The following PTPRT variants were observed in gnomAD, a reference collection of about 807,000 sequenced individuals.
PTPRT encodes the protein receptor-type tyrosine-protein phosphatase T.
A neutral mutation model predicts 176.8 loss-of-function variants in PTPRT; 56 were observed. The ratio of observed to expected loss-of-function variants is 0.32; its 90% CI spans 0.26 to 0.40. The LOEUF is 0.40. Among genes scored for constraint, PTPRT ranks in the 10% least tolerant of loss-of-function variants. The pLI, the probability that PTPRT is intolerant of heterozygous loss-of-function variation, is 1.00. For synonymous variants in PTPRT, 783 were observed against 739.0 expected, an observed-to-expected ratio of 1.06 and a Z score of -0.96; for missense variants, 1,540 against 1,908.2, an observed-to-expected ratio of 0.81 and a Z score of 3.60.
At chr20:42,477,699 C>T (rs2071315051) in intron 7 of PTPRT, among the ~76,000 whole-genome samples, 1 of 152,112 alleles carries the variant, frequency 6.6e-6, no homozygotes, top group Admixed American at 6.5e-5. Context: ...CAGATAAAGC[C>T]CTGTCCGTAT....
At chr20:43,166,061 G>A (rs999490093) in intron 1 of PTPRT, among the ~76,000 whole-genome samples, 1 of 149,222 alleles carries the variant, frequency 6.7e-6, no homozygotes, top group African/African-American at 2.5e-5. Context: ...ATGGTGGCAC[G>A]CACCTGTAAT....
At chr20:42,409,077 T>C (rs1053782001) in intron 9 of PTPRT, among the ~76,000 whole-genome samples, 2 of 152,190 alleles carry the variant, frequency 1.3e-5, no homozygotes, top group Non-Finnish European at 2.9e-5. Flanking sequence ...AAGGAACACA[T>C]TCAGACCTTA....
intron 7 of PTPRT, among the ~76,000 whole-genome samples, chr20:42,584,213 G>T (rs982902420): frequency 2.0e-5 from 3 of 152,216 alleles, no homozygotes; most frequent in African/African-American, 7.2e-5. Flanking sequence ...TAAAATGGCT[G>T]TTGTTTTAAG....
At chr20:42,784,419 G>T (rs2077259169) in intron 3 of PTPRT, among the ~76,000 whole-genome samples, 2 of 152,166 alleles carry the variant, frequency 1.3e-5, no homozygotes, top group South Asian at 4.1e-4. Flanking sequence ...ATGTTTTCAT[G>T]GGGAGAGATT....
At chr20:42,108,886 C>A (rs1986757729) in intron 23 of PTPRT, among the ~76,000 whole-genome samples, 1 of 152,224 alleles carries the variant, frequency 6.6e-6, no homozygotes, top group Non-Finnish European at 1.5e-5. Context: ...GAGACACATA[C>A]CGGCGTAGAG....
At chr20:43,055,401 T>G (rs1357544337) in intron 1 of PTPRT, among the ~76,000 whole-genome samples, 2 of 152,190 alleles carry the variant, frequency 1.3e-5, no homozygotes, top group East Asian at 3.9e-4. Flanking sequence ...GGGCTTTATC[T>G]TCTCCTCCCC....
chr20:42,421,061 G>C (rs1282579689), intron 9 of PTPRT, among the ~76,000 whole-genome samples: 1 of 152,120 alleles, frequency 6.6e-6, no homozygotes, highest in East Asian at 1.9e-4. Flanking sequence ...TCTGTTCTTG[G>C]TTGATCCAGA....
At chr20:42,128,869 A>C in intron 18 of PTPRT, 39 bp from the exon 19 acceptor site, 1 of 1,546,304 alleles carries the variant, frequency 6.5e-7, no homozygotes, top group Admixed American at 1.8e-5. Context: ...GGTTGATAAG[A>C]GGCCTTACGC....
intron 2 of PTPRT, among the ~76,000 whole-genome samples, chr20:42,807,163 T>C (rs563722101): frequency 6.6e-6 from 1 of 152,342 alleles, no homozygotes; most frequent in African/African-American, 2.4e-5. Context: ...GTCTGTCCCA[T>C]TTAGATTGGT....
At chr20:42,664,428 C>T (rs975486960) in intron 7 of PTPRT, among the ~76,000 whole-genome samples, 2 of 152,078 alleles carry the variant, frequency 1.3e-5, no homozygotes, top group African/African-American at 4.8e-5. Context: ...GGTGTATTTG[C>T]TTGCTTTTAA....
At chr20:43,146,542 C>G (rs2014173222) in intron 1 of PTPRT, among the ~76,000 whole-genome samples, 1 of 142,332 alleles carries the variant, frequency 7.0e-6, no homozygotes, top group Non-Finnish European at 1.5e-5. Context: ...AAAATAAAGA[C>G]TCTTCACTTC....
chr20:42,765,466 C>T (rs1252880872), intron 5 of PTPRT, among the ~76,000 whole-genome samples: 7 of 152,176 alleles, frequency 4.6e-5, no homozygotes, highest in East Asian at 1.9e-4. Flanking sequence ...AAGGCTTCTT[C>T]GTATACTAGG....
At chr20:42,637,297 A>G (rs1305532534) in intron 7 of PTPRT, among the ~76,000 whole-genome samples, 1 of 152,148 alleles carries the variant, frequency 6.6e-6, no homozygotes, top group Non-Finnish European at 1.5e-5. Flanking sequence ...TAAAAATCCA[A>G]AGTCCTAACC....
rs150974988 is a variant in PTPRT at position 43,186,939 on chromosome 20, A to G, written c.88+2707T>C. The stretch of plus-strand genomic sequence containing the variant: ...AAACCCACTAGTAAATGAATTCATT[A>G]TCCCCTTATTCATTTAACTGTCTCT... On this transcript the variant is annotated intron_variant, in intron 1 of 30. Transcript: ENST00000373187. 5.9e-5 allele frequency among the ~76,000 whole-genome samples: 9 copies of G among 152,350 alleles called. No homozygotes were observed. The East Asian group carries it at 1.7e-3, about 29-fold the overall frequency.
intron 9 of PTPRT, among the ~76,000 whole-genome samples, chr20:42,402,302 G>A (rs1374375838): frequency 4.6e-5 from 7 of 151,964 alleles, no homozygotes; most frequent in Admixed American, 1.3e-4. Flanking sequence ...CAGGTGGAGT[G>A]GGTTTCTGTT....
intron 1 of PTPRT, among the ~76,000 whole-genome samples, chr20:42,892,273 T>C (rs1008159379): frequency 5.3e-5 from 8 of 152,136 alleles, no homozygotes; most frequent in Non-Finnish European, 8.8e-5. Flanking sequence ...GCCATTTTGA[T>C]TGTACCATTT....
chr20:42,172,110 A>T (rs538743490), intron 16 of PTPRT, among the ~76,000 whole-genome samples: 1 of 152,348 alleles, frequency 6.6e-6, no homozygotes, highest in South Asian at 2.1e-4. Context: ...AACCATTGCA[A>T]TAATGCACAC....
At chr20:43,142,625 A>G (rs917422892) in intron 1 of PTPRT, among the ~76,000 whole-genome samples, 5 of 152,202 alleles carry the variant, frequency 3.3e-5, no homozygotes, top group Non-Finnish European at 1.5e-5. Flanking sequence ...CAAGAGCTAT[A>G]GCTACAATTT....
At chr20:42,098,949 G>GGGTC (rs1244480597) in intron 26 of PTPRT, among the ~76,000 whole-genome samples, 1 of 152,246 alleles carries the variant, frequency 6.6e-6, no homozygotes, top group Non-Finnish European at 1.5e-5. Flanking sequence ...GCGAGGTTTT[G>GGGTC]GGTCGGCCTG....
Sources: gnomAD v4.1 joint callset for allele counts (sites outside exome capture counted in the v4.1 genomes callset) on GRCh38, gnomAD v4.1.1 for gene constraint, MANE v1.5 for transcripts, NCBI Gene and HGNC (gene_info 2026-07-23, HGNC 2026-07-21) for gene names.